NECAB3: variants seen among roughly 807,000 people sequenced by gnomAD.
The protein encoded by NECAB3 is N-terminal EF-hand calcium-binding protein 3.
Under a neutral mutation model 57.2 loss-of-function variants are expected in NECAB3, and 38 were observed. The observed-to-expected ratio is 0.66, with a 90% confidence interval of 0.51 to 0.87. The LOEUF (loss-of-function observed/expected upper bound fraction) is 0.87. Ranked by LOEUF, NECAB3 falls within the 40% of genes least tolerant of loss-of-function variation. NECAB3 has a pLI of 0.00. For synonymous variants in NECAB3, 223 were observed against 222.6 expected, an observed-to-expected ratio of 1.00 and a Z score of -0.02; for missense variants, 474 against 527.5, an observed-to-expected ratio of 0.90 and a Z score of 0.99.
chr20:33,667,181 G>C (rs1347532289), intron 5 of NECAB3: 2 of 268,754 alleles, frequency 7.4e-6, no homozygotes, highest in African/African-American at 4.4e-5. Flanking sequence ...ACCAAGGCGG[G>C]CTTCGCGGGC....
chr20:33,668,387 G>T, intron 5 of NECAB3: 1 of 1,030,474 alleles, frequency 9.7e-7, no homozygotes, highest in Non-Finnish European at 1.3e-6. Context: ...AAGGTATTTG[G>T]GACCCATGGG....
intron 5 of NECAB3, among the ~76,000 whole-genome samples, chr20:33,661,295 C>CCA (rs150092075): frequency 1.1e-3 from 170 of 151,390 alleles, no homozygotes; most frequent in Admixed American, 2.7e-3. Flanking sequence ...CTAACCCCTA[C>CCA]CACACACACA....
Position 33,658,469 on chromosome 20 carries a change from A to G in NECAB3, c.1070+8T>C. Reference sequence around the variant, plus strand: ...CCATGGTGTTAGCGGCCAGACTGGCACTCATACCTTCTCCAGGAGGCCTCA... The same window carrying G: ...CCATGGTGTTAGCGGCCAGACTGGCGCTCATACCTTCTCCAGGAGGCCTCA... On this transcript the variant is annotated splice_region_variant and intron_variant, in intron 10 of 11. Coordinates refer to ENST00000246190, the MANE Select transcript of NECAB3 (RefSeq NM_031232.4). 2 of 1,613,424 alleles carry G rather than the reference A, an allele frequency of 1.2e-6. No homozygotes were observed. The highest frequency in any genetic ancestry group is 1.7e-6 in the Non-Finnish European group (2 of 1,179,582).
At chr20:33,669,106 T>G (rs752654947) in intron 5 of NECAB3, 17 of 478,976 alleles carry the variant, frequency 3.5e-5, no homozygotes, top group Non-Finnish European at 6.0e-5. Context: ...TTATTCTGGG[T>G]GCTGGAAACA....
intron 5 of NECAB3, among the ~76,000 whole-genome samples, chr20:33,661,673 CAG>C (rs1403959930): frequency 6.6e-6 from 1 of 152,220 alleles, no homozygotes; most frequent in African/African-American, 2.4e-5. Context: ...TTTTCTGAGA[CAG>C]AGTCTCACTG....
chr20:33,660,441 G>T lies in NECAB3; in HGVS notation c.388-46C>A. 1 of 1,599,706 alleles carries T rather than the reference G, an allele frequency of 6.3e-7. No homozygotes were observed. The highest frequency in any genetic ancestry group is 8.5e-7 in the Non-Finnish European group (1 of 1,170,680). On this transcript the variant is annotated intron_variant, in intron 5 of 11. Transcript: ENST00000246190. The surrounding 1 kb of genome is among the most constrained non-coding windows in gnomAD (Gnocchi z 4.1). ...GTCAGCATCTCCCAGCCCGGGCACT[G>T]ATCTCTTGAGTGGGTCCCCTGCCTC...
chr20:33,663,021 G>A (rs898696581), intron 5 of NECAB3, among the ~76,000 whole-genome samples: 5 of 152,222 alleles, frequency 3.3e-5, no homozygotes, highest in Admixed American at 3.3e-4. Context: ...CGGGGGGTGA[G>A]CATGAGTGGG....
chr20:33,660,507 C>A lies in NECAB3; in HGVS notation c.388-112G>T. 7.1e-7 allele frequency: 1 copy of A among 1,409,882 alleles called. No homozygotes were observed. 87.3% of individuals were successfully genotyped at this position (1,409,882 alleles called of 1,614,324 possible). ...GCGGTGGCAGTGCCAAGAGCAGGGG[C>A]ACGCAAACCTGGCACAGGCAGGAGG... On this transcript the variant is annotated intron_variant, in intron 5 of 11. Coordinates refer to ENST00000246190, the MANE Select transcript of NECAB3 (RefSeq NM_031232.4). This position sits in a 1 kb window ranked among gnomAD's most constrained non-coding sequence, Gnocchi z 4.1.
intron 5 of NECAB3, chr20:33,662,615 C>A: frequency 1.0e-6 from 1 of 976,224 alleles, no homozygotes; most frequent in Non-Finnish European, 1.5e-6. Flanking sequence ...AAAATCTCTC[C>A]CAAGGATGAG....
chr20:33,670,403 C>T (rs1435974463), intron 3 of NECAB3: 15 of 379,362 alleles, frequency 4.0e-5, no homozygotes, highest in Non-Finnish European at 6.7e-5. Flanking sequence ...CCCAGCTGTC[C>T]CCAGGCATCC....
At position 33,663,688 on chromosome 20, in the gene NECAB3, G is replaced by C. The variant is rs939371624; in HGVS notation, c.388-3293C>G. On this transcript the variant is annotated intron_variant, in intron 5 of 11. Transcript: ENST00000246190. ...TAGCGAGCGCGAGCCGAGGATGCCG[G>C]TACTGCTGCTGCTGCGGCGGCAAGA... 3.2e-6 allele frequency: 5 copies of C among 1,581,852 alleles called. No homozygotes were observed. In the South Asian group the frequency reaches 4.5e-5, roughly 14 times the overall value.
At position 33,657,555 on chromosome 20, in the gene NECAB3, G is replaced by T; in HGVS notation, c.*274C>A. ...TGCCCTGGGTCGCTCAGCCAGGCAG[G>T]GACAGCAGGGACCAGAATCCAGGTC... is the stretch of plus-strand genomic sequence containing the variant. On this transcript the variant is annotated 3_prime_UTR_variant, in exon 12 of 12. Transcript: ENST00000246190. 2.4e-6 allele frequency: 1 copy of T among 421,592 alleles called. No homozygotes were observed. The highest frequency in any genetic ancestry group is 4.5e-5 in the Admixed American group (1 of 22,372). 26.1% of individuals were successfully genotyped at this position (421,592 alleles called of 1,614,324 possible).
At chr20:33,672,492 G>A (rs41307157) in intron 1 of NECAB3, 70 bp from the exon 2 acceptor site, 23,007 of 1,591,322 alleles carry the variant, frequency 0.014, 229 homozygotes, top group Middle Eastern at 0.018. Context: ...CACTCAACCC[G>A]ACAGGGTCCC....
intron 3 of NECAB3, among the ~76,000 whole-genome samples, 154 bp from the exon 4 acceptor site, chr20:33,669,866 TC>T (rs2122516206): frequency 6.6e-6 from 1 of 152,202 alleles, no homozygotes; most frequent in East Asian, 1.9e-4. Context: ...GTGGACAGAG[TC>T]CTTGCAGGGT....
chr20:33,667,936 G>A, intron 5 of NECAB3: 2 of 1,556,878 alleles, frequency 1.3e-6, no homozygotes, highest in Non-Finnish European at 1.7e-6. Context: ...GGCCTTCCGG[G>A]CGCTGCAGAA....
Position 33,667,581 on chromosome 20 carries a change from C to T in NECAB3, c.387+1794G>A, listed in dbSNP as rs369224324. On this transcript the variant is annotated intron_variant, in intron 5 of 11. Coordinates refer to ENST00000246190, the MANE Select transcript of NECAB3 (RefSeq NM_031232.4). The stretch of plus-strand genomic sequence containing the variant: ...TGGAGGCGGGCGCGGGCGTGTGCCA[C>T]GCCACGCCCATCTACGCGGGTCACT... 8 of 1,566,764 alleles carry T rather than the reference C, an allele frequency of 5.1e-6. No homozygotes were observed. Among genetic ancestry groups the T allele is most frequent in the Middle Eastern group, 1.7e-4 (1 of 5,928 alleles).
At chr20:33,658,623 C>T in intron 9 of NECAB3, 69 bp from the exon 10 acceptor site, 2 of 1,603,244 alleles carry the variant, frequency 1.2e-6, no homozygotes, top group Non-Finnish European at 1.7e-6. Context: ...GGCCTGGGGC[C>T]TCATGGGAAC....
Position 33,663,573 on chromosome 20 carries a change from G to C in NECAB3, c.388-3178C>G, listed in dbSNP as rs772876354. ...TTCTCCCCCTGGACAAGCGGCAGCC[G>C]CTGGCCAACGCTGGGCAACGGATTG... On this transcript the variant is annotated intron_variant, in intron 5 of 11. Coordinates refer to ENST00000246190, the MANE Select transcript of NECAB3 (RefSeq NM_031232.4). 4 of 1,611,154 alleles carry C rather than the reference G, an allele frequency of 2.5e-6. No homozygotes were observed. In the South Asian group the frequency reaches 4.4e-5, roughly 18 times the overall value.
intron 5 of NECAB3, chr20:33,667,986 GGT>G: frequency 6.5e-7 from 1 of 1,547,306 alleles, no homozygotes; most frequent in South Asian, 1.2e-5. Context: ...CAGACACCGT[GGT>G]GCTAGCCGGC....
Sources: allele counts gnomAD v4.1 joint callset (sites outside exome capture counted in the v4.1 genomes callset), GRCh38; gene constraint gnomAD v4.1.1; non-coding constraint Gnocchi (gnomAD v3.1); transcripts MANE v1.5; gene names NCBI Gene and HGNC (gene_info 2026-07-23, HGNC 2026-07-21).